GFRA4: variants seen among roughly 807,000 people sequenced by gnomAD.
The protein encoded by GFRA4 is GDNF family receptor alpha 4.
Under a neutral mutation model 28.5 loss-of-function variants are expected in GFRA4, and 31 were observed. The observed-to-expected ratio is 1.09, with a 90% CI of 0.82 to 1.47. The LOEUF is 1.47. Among genes scored for constraint, GFRA4 ranks in the 40% most tolerant of loss-of-function variants. The pLI is 0.00. For missense variants in GFRA4, 389 were observed against 413.2 expected (o/e 0.94, Z 0.51); for synonymous variants, 188 against 188.0 (o/e 1.00, Z 0.00).
Position 3,659,912 on chromosome 20 carries a change from G to A in GFRA4, c.807C>T (p.Leu269=), listed in dbSNP as rs763896844. The change falls in exon 6 of 6, where the codon CTC becomes CTT. Residue 269 remains leucine, a synonymous_variant. Transcript: ENST00000290417. ...ILPVLALPAL[L] Reference sequence around the variant, plus strand: ...CTATCCGAGGTCGCTGTCCTAATCAGAGCAGGGCCGGGAGAGCCAGGACAG... The same window carrying A: ...CTATCCGAGGTCGCTGTCCTAATCAAAGCAGGGCCGGGAGAGCCAGGACAG... The A allele has an allele frequency of 5.0e-6, 8 of 1,593,372 alleles. No individual in the cohort carries two copies. The highest frequency in any genetic ancestry group is 1.3e-5 in the African/African-American group (1 of 74,764).
At chr20:3,660,911 C>T in intron 2 of GFRA4, 33 bp downstream of exon 2, 1 of 1,382,146 alleles carries the variant, frequency 7.2e-7, no homozygotes, top group Non-Finnish European at 9.3e-7. Flanking sequence ...CCGTCCCCAC[C>T]CTCGCCACGG....
chr20:3,659,791 C>A lies in GFRA4; in HGVS notation c.*118G>T. ...CCTACAAAGGGCAGCGGAGTGAAAG[C>A]ACCAGGGCCGGCTTGGGGGGTAAGC... On this transcript the variant is annotated 3_prime_UTR_variant, in exon 6 of 6. Transcript: ENST00000290417. 1.0e-6 allele frequency: 1 copy of A among 971,338 alleles called. No individual in the cohort carries two copies. Among genetic ancestry groups the A allele is most frequent in the South Asian group, 1.5e-5 (1 of 66,586 alleles). 60.2% of individuals were successfully genotyped at this position (971,338 alleles called of 1,614,324 possible).
At chr20:3,662,845 C>T (rs1420594988) in intron 1 of GFRA4, among the ~76,000 whole-genome samples, 1 of 152,232 alleles carries the variant, frequency 6.6e-6, no homozygotes, top group Non-Finnish European at 1.5e-5. Context: ...ACCCAGTCTC[C>T]ACCCTCACAG....
In GFRA4 at chr20:3,661,032, C is replaced by A; in HGVS notation, c.304G>T (p.Val102Leu). The change falls in exon 2 of 6, where the codon GTG becomes TTG. Residue 102 changes from valine (V) to leucine (L), a missense_variant. By Grantham distance (32) the Val-to-Leu change is conservative (BLOSUM62 1). Coordinates refer to ENST00000290417, the MANE Select transcript of GFRA4 (RefSeq NM_022139.4). Reference sequence around the variant, plus strand: ...GGCCCCGAAAAGGCGCAGGAGGGCACGAAGGTCTGGCGCCGACGCTCGGCG... The same window carrying A: ...GGCCCCGAAAAGGCGCAGGAGGGCAAGAAGGTCTGGCGCCGACGCTCGGCG... ...ACAERRRQTF[V>L]PSCAFSGPGP... The A allele has an allele frequency of 1.4e-6, 2 of 1,464,984 alleles. No homozygotes were observed. Among genetic ancestry groups the A allele is most frequent in the Non-Finnish European group, 1.8e-6 (2 of 1,115,378 alleles). 90.7% of individuals were successfully genotyped at this position (1,464,984 alleles called of 1,614,324 possible).
chr20:3,663,260 T>A, intron 1 of GFRA4, 94 bp downstream of exon 1: 1 of 1,466,864 alleles, frequency 6.8e-7, no homozygotes, highest in South Asian at 1.2e-5. Context: ...GTGGTTCAGC[T>A]TTTCCTGGAA....
chr20:3,660,032 TCTCTGCC>T, intron 5 of GFRA4, 43 bp from the exon 6 acceptor site: 4 of 1,529,706 alleles, frequency 2.6e-6, no homozygotes, highest in Non-Finnish European at 3.5e-6. Flanking sequence ...CAAAAGCCTG[TCTCTGCC>T]CTCTGCCTGC....
Position 3,659,963 on chromosome 20 carries a change from C to G in GFRA4, c.756G>C (p.Glu252Asp), listed in dbSNP as rs1300466010. 1 of 1,589,420 alleles carries G rather than the reference C, an allele frequency of 6.3e-7. No individual in the cohort carries two copies. The highest frequency in any genetic ancestry group is 1.8e-5 in the Admixed American group (1 of 55,720). Residue 252 changes from glutamate to aspartate, a missense_variant, in exon 6 of 6, where the codon GAG becomes GAC. By Grantham distance (45) the Glu-to-Asp change is conservative. Coordinates refer to ENST00000290417, the MANE Select transcript of GFRA4 (RefSeq NM_022139.4). ...LQVSSTGRALERRSLLSILPV... is the reference protein window; with the variant it reads ...LQVSSTGRALDRRSLLSILPV... Reference sequence around the variant, plus strand: ...GAAGTATGGAGAGCAGGGAGCGTCTCTCCAGGGCCCTGCCTGTGGAGGACA... The same window carrying G: ...GAAGTATGGAGAGCAGGGAGCGTCTGTCCAGGGCCCTGCCTGTGGAGGACA...
chr20:3,663,354 C>CA lies in GFRA4; in HGVS notation c.45_46insT (p.Gly16TrpfsTer104), dbSNP rs775278393. 3.7e-6 allele frequency: 6 copies of CA among 1,610,752 alleles called. No individual in the cohort carries two copies. In the East Asian group the frequency reaches 1.3e-4, roughly 36 times the overall value. On this transcript the variant is annotated frameshift_variant and splice_region_variant, in exon 1 of 6. Transcript: ENST00000290417. LOFTEE classifies it high-confidence loss of function. ...TCCAGGGGAAGAGAGGGGCGCTCAC[C>CA]CAGTAACAGCAGCAGCAGCAGCGCA...
chr20:3,661,009 C>T lies in GFRA4; in HGVS notation c.327G>A (p.Gly109=). ...QTFVPSCAFS[G]PGPAPPSCLE... ...GGCAGGAGGGCGGCGCGGGGCCGGG[C>T]CCCGAAAAGGCGCAGGAGGGCACGA... Residue 109 remains glycine (G), a synonymous_variant, in exon 2 of 6, where the codon GGG becomes GGA. Transcript: ENST00000290417. 6.8e-7 allele frequency: 1 copy of T among 1,465,370 alleles called. No individual in the cohort carries two copies. Among genetic ancestry groups the T allele is most frequent in the South Asian group, 1.3e-5 (1 of 77,662 alleles). The allele number at this position is 1,465,370 out of a possible 1,614,324, so 90.8% of individuals were successfully genotyped here. A position where few individuals can be genotyped will look rare whatever the true frequency, so the allele number is the denominator to read the frequency against.
chr20:3,660,051 C>A, intron 5 of GFRA4, 62 bp from the exon 6 acceptor site: 1 of 1,513,016 alleles, frequency 6.6e-7, no homozygotes, highest in Non-Finnish European at 8.9e-7. Flanking sequence ...TCTGCCTGCA[C>A]CCCCACCCCA....
chr20:3,660,976 G>T lies in GFRA4; in HGVS notation c.360C>A (p.Pro120=). ...CCCGGCTGCGCTCGCAGAAGTTTAA[G>T]GGCTCAAGGCAGGAGGGCGGCGCGG... ...PGPAPPSCLE[P]LNFCERSRVC... Residue 120 remains proline (P), a synonymous_variant, in exon 2 of 6, where the codon CCC becomes CCA. Coordinates refer to ENST00000290417, the MANE Select transcript of GFRA4 (RefSeq NM_022139.4). 6.9e-7 allele frequency: 1 copy of T among 1,453,898 alleles called. No homozygotes were observed. The highest frequency in any genetic ancestry group is 9.0e-7 in the Non-Finnish European group (1 of 1,112,366). 90.1% of individuals were successfully genotyped at this position (1,453,898 alleles called of 1,614,324 possible).
In GFRA4 at chr20:3,660,555, C is replaced by G; in HGVS notation, c.608G>C (p.Arg203Pro). The G allele has an allele frequency of 1.3e-6, 2 of 1,550,718 alleles. No individual in the cohort carries two copies. The highest frequency in any genetic ancestry group is 1.2e-5 in the South Asian group (1 of 84,080). Reference protein sequence around the residue: ...GNRREDCEAFRGLFTRNRCLD... With the variant: ...GNRREDCEAFPGLFTRNRCLD... ...GCAGCGGTTCCTGGTAAAGAGCCCC[C>G]GGAAGGCTTCGCAGTCCTCACGCCG... Residue 203 changes from arginine to proline, a missense_variant, in exon 4 of 6, where the codon CGG becomes CCG. Arg to Pro is a moderately radical substitution (Grantham distance 103, BLOSUM62 -2). Coordinates refer to ENST00000290417, the MANE Select transcript of GFRA4 (RefSeq NM_022139.4).
chr20:3,663,356 A>G lies in GFRA4; in HGVS notation c.44T>C (p.Leu15Pro), dbSNP rs1325915849. 1.2e-6 allele frequency: 2 copies of G among 1,611,030 alleles called. No homozygotes were observed. Among genetic ancestry groups the G allele is most frequent in the Admixed American group, 1.7e-5 (1 of 59,656 alleles). Residue 15 changes from leucine (L) to proline (P), a missense_variant and splice_region_variant, in exon 1 of 6, where the codon CTG (leucine) becomes CCG (proline). Coordinates refer to ENST00000290417, the MANE Select transcript of GFRA4 (RefSeq NM_022139.4). ...LGPALLLLLL[L>P]GSASSVGGNR... The stretch of plus-strand genomic sequence containing the variant: ...CAGGGGAAGAGAGGGGCGCTCACCC[A>G]GTAACAGCAGCAGCAGCAGCGCAGG...
In GFRA4 at chr20:3,660,810, G is replaced by T; in HGVS notation, c.447C>A (p.Asp149Glu). Residue 149 changes from aspartate (D) to glutamate (E), a missense_variant, in exon 3 of 6, where the codon GAC becomes GAA. Coordinates refer to ENST00000290417, the MANE Select transcript of GFRA4 (RefSeq NM_022139.4). Reference sequence around the variant, plus strand: ...GGGCGCCCTGGTCCAGCAGGCAGCCGTCGGGGGCGCTGGGCGCTGGGGTGC... The same window carrying T: ...GGGCGCCCTGGTCCAGCAGGCAGCCTTCGGGGGCGCTGGGCGCTGGGGTGC... ...VSCTPAPSAPDGCLLDQGARC... is the reference protein window; with the variant it reads ...VSCTPAPSAPEGCLLDQGARC... The T allele has an allele frequency of 7.1e-7, 1 of 1,415,684 alleles. No individual in the cohort carries two copies. The highest frequency in any genetic ancestry group is 9.1e-7 in the Non-Finnish European group (1 of 1,097,390). The allele number at this position is 1,415,684 out of a possible 1,614,324, so 87.7% of individuals were successfully genotyped here.
chr20:3,661,250 G>T lies in GFRA4; in HGVS notation c.86C>A (p.Ala29Glu). ...SSVGGNRCVDAAEACTADARC... is the reference protein window; with the variant it reads ...SSVGGNRCVDEAEACTADARC... ...CGCGTCCGCCGTGCAGGCTTCGGCCGCGTCCACACATCGGTTCCCTCCGAC... is the reference window on the plus strand; with the variant it reads ...CGCGTCCGCCGTGCAGGCTTCGGCCTCGTCCACACATCGGTTCCCTCCGAC... Residue 29 changes from alanine to glutamate, a missense_variant, in exon 2 of 6, where the codon GCG becomes GAG. Transcript: ENST00000290417. The T allele has an allele frequency of 1.3e-6, 2 of 1,499,172 alleles. No individual in the cohort carries two copies. The highest frequency in any genetic ancestry group is 8.8e-7 in the Non-Finnish European group (1 of 1,130,328). 92.9% of individuals were successfully genotyped at this position (1,499,172 alleles called of 1,614,324 possible).
intron 4 of GFRA4, 27 bp downstream of exon 4, chr20:3,660,488 GCCCCCACTCCC>G: frequency 1.3e-6 from 2 of 1,519,014 alleles, no homozygotes; most frequent in Non-Finnish European, 1.8e-6. Context: ...AGTAAGCGCC[GCCCCCACTCCC>G]CCTCCACTCC....
At position 3,659,811 on chromosome 20, in the gene GFRA4, G is replaced by A; in HGVS notation, c.*98C>T. On this transcript the variant is annotated 3_prime_UTR_variant, in exon 6 of 6. Coordinates refer to ENST00000290417, the MANE Select transcript of GFRA4 (RefSeq NM_022139.4). ...GAAAGCACCAGGGCCGGCTTGGGGGGTAAGCCAGCCCCTTCTCAAGGGGCC... is the reference window on the plus strand; with the variant it reads ...GAAAGCACCAGGGCCGGCTTGGGGGATAAGCCAGCCCCTTCTCAAGGGGCC... 8.4e-7 allele frequency: 1 copy of A among 1,195,238 alleles called. No homozygotes were observed. The highest frequency in any genetic ancestry group is 1.2e-6 in the Non-Finnish European group (1 of 834,666). The allele number at this position is 1,195,238 out of a possible 1,614,324, so 74.0% of individuals were successfully genotyped here. A position where few individuals can be genotyped will look rare whatever the true frequency, so the allele number is the denominator to read the frequency against.
rs200638847 is a variant in GFRA4, at chr20:3,661,614, GGC to G, written c.47-327_47-326del. Among the ~76,000 whole-genome samples the G allele has an allele frequency of 1.3e-3, 192 of 152,250 alleles. 1 individual carries two copies. The East Asian group carries it at 0.014, about 11-fold the overall frequency. ...ACACACGTCCAAAGACGGGTCCAGGGGCTCCTCCTACACTCAATGGCACTACC... is the reference window on the plus strand; with the variant it reads ...ACACACGTCCAAAGACGGGTCCAGGGTCCTCCTACACTCAATGGCACTACC... On this transcript the variant is annotated intron_variant, in intron 1 of 5. Transcript: ENST00000290417.
At chr20:3,662,003 C>G (rs994914517) in intron 1 of GFRA4, among the ~76,000 whole-genome samples, 1 of 152,204 alleles carries the variant, frequency 6.6e-6, no homozygotes, top group African/African-American at 2.4e-5. Flanking sequence ...CGGATTCATG[C>G]AAGAGCTCTG....
Sources: gnomAD v4.1 joint callset for allele counts (sites outside exome capture counted in the v4.1 genomes callset) on GRCh38, gnomAD v4.1.1 for gene constraint, MANE v1.5 for transcripts, NCBI Gene and HGNC (gene_info 2026-07-23, HGNC 2026-07-21) for gene names.